MMP26: variants seen among roughly 807,000 people sequenced by gnomAD.
MMP26 encodes matrix metalloproteinase-26.
A neutral mutation model predicts 31.0 loss-of-function variants in MMP26; 33 were observed. The ratio of observed to expected loss-of-function variants is 1.06; its 90% CI spans 0.81 to 1.42. The LOEUF is 1.42. Among genes scored for constraint, MMP26 ranks in the 40% most tolerant of loss-of-function variants. The pLI is 0.00. For synonymous variants in MMP26, 122 were observed against 114.9 expected (o/e 1.06, Z -0.40); for missense variants, 347 against 316.1 (o/e 1.10, Z -0.74).
Position 4,930,771 on chromosome 11 carries a change from C to T in MMP26, c.-144-57297C>T, listed in dbSNP as rs146635087. 1.8e-3 allele frequency among the ~76,000 whole-genome samples: 267 copies of T among 152,024 alleles called. 1 individual carries two copies. Among genetic ancestry groups the T allele is most frequent in the African/African-American group, 6.2e-3 (259 of 41,502 alleles). On this transcript the variant is annotated intron_variant, in intron 2 of 7. Coordinates refer to ENST00000380390, the MANE Select transcript of MMP26 (RefSeq NM_021801.5). ...TTAACTTTTAGAGGAGATTTTTATACTCAAAAATAGTTTTTGATTAAAACT... is the reference window on the plus strand; with the variant it reads ...TTAACTTTTAGAGGAGATTTTTATATTCAAAAATAGTTTTTGATTAAAACT...
intron 2 of MMP26, among the ~76,000 whole-genome samples, chr11:4,830,911 G>A (rs1849637761): frequency 6.6e-6 from 1 of 152,082 alleles, no homozygotes; most frequent in South Asian, 2.1e-4. Flanking sequence ...TTCTGAGCAG[G>A]GCCAGTAGCA....
chr11:4,849,946 A>T (rs1292536351), intron 2 of MMP26, among the ~76,000 whole-genome samples: 1 of 152,176 alleles, frequency 6.6e-6, no homozygotes, highest in Non-Finnish European at 1.5e-5. Context: ...CAGGGTATTT[A>T]GGACATCCAT....
chr11:4,981,397 C>T (rs1003242986), intron 2 of MMP26, among the ~76,000 whole-genome samples: 1 of 152,036 alleles, frequency 6.6e-6, no homozygotes, highest in Admixed American at 6.6e-5. Context: ...CAAACCCATG[C>T]AGCATGCTAT....
chr11:4,859,809 G>A lies in MMP26; in HGVS notation c.-145+92468G>A, dbSNP rs989699322. ...CAGCACCCATAAAAGGAACATAGAAGAGGAGCACGGTAGACATGTGAGAGA... is the reference window on the plus strand; with the variant it reads ...CAGCACCCATAAAAGGAACATAGAAAAGGAGCACGGTAGACATGTGAGAGA... On this transcript the variant is annotated intron_variant, in intron 2 of 7. Coordinates refer to ENST00000380390, the MANE Select transcript of MMP26 (RefSeq NM_021801.5). 9 of 471,352 alleles carry A rather than the reference G, an allele frequency of 1.9e-5. No individual in the cohort carries two copies. The Admixed American group carries it at 2.1e-4, about 11-fold the overall frequency. The allele number at this position is 471,352 out of a possible 1,614,324, so 29.2% of individuals were successfully genotyped here.
intron 2 of MMP26, among the ~76,000 whole-genome samples, chr11:4,836,045 A>G (rs1849715134): frequency 6.6e-6 from 1 of 152,096 alleles, no homozygotes; most frequent in South Asian, 2.1e-4. Context: ...AAAAACTGTT[A>G]ATGAAACACT....
intron 2 of MMP26, among the ~76,000 whole-genome samples, chr11:4,855,794 C>T (rs560925887): frequency 2.0e-4 from 30 of 152,040 alleles, no homozygotes; most frequent in African/African-American, 4.6e-4. Context: ...GTTGAAATGA[C>T]GGGAAAAATG....
At chr11:4,806,862 A>T (rs1849277496) in intron 2 of MMP26, among the ~76,000 whole-genome samples, 1 of 152,058 alleles carries the variant, frequency 6.6e-6, no homozygotes. Flanking sequence ...CCTGTCCCAG[A>T]CTTTCCAAGC....
chr11:4,904,716 G>A (rs1268777195), intron 2 of MMP26, among the ~76,000 whole-genome samples: 1 of 152,020 alleles, frequency 6.6e-6, no homozygotes, highest in East Asian at 1.9e-4. Context: ...TAAAATATGA[G>A]TGAAAAGAAT....
chr11:4,901,277 A>G (rs1850798120), intron 2 of MMP26, among the ~76,000 whole-genome samples: 2 of 148,010 alleles, frequency 1.4e-5, no homozygotes, highest in African/African-American at 5.0e-5. Flanking sequence ...CTCCTGCCTC[A>G]GCCTCCTGAG....
rs535485266 is a variant in MMP26, at chr11:4,863,958, A to G, written c.-145+96617A>G. ...CATACGTGCACACAAATGCATGTGT[A>G]TGCACGCACACACACTAATTTGAAT... is the stretch of plus-strand genomic sequence containing the variant. On this transcript the variant is annotated intron_variant, in intron 2 of 7. Coordinates refer to ENST00000380390, the MANE Select transcript of MMP26 (RefSeq NM_021801.5). Among the ~76,000 whole-genome samples, 66 of 152,308 alleles carry G rather than the reference A, an allele frequency of 4.3e-4. No individual in the cohort carries two copies. In the South Asian group the frequency reaches 0.014, roughly 32 times the overall value.
chr11:4,783,873 G>A (rs1212515481), intron 2 of MMP26, among the ~76,000 whole-genome samples: 6 of 152,126 alleles, frequency 3.9e-5, no homozygotes, highest in African/African-American at 1.4e-4. Flanking sequence ...GATGTGACTT[G>A]CTCCTCGTCT....
chr11:4,769,699 C>G, intron 2 of MMP26: 1 of 1,613,026 alleles, frequency 6.2e-7, no homozygotes, highest in Non-Finnish European at 8.5e-7. Context: ...CAGTCAAGCC[C>G]AGATCAGTGG....
chr11:4,843,600 C>T (rs1849826260), intron 2 of MMP26, among the ~76,000 whole-genome samples: 1 of 152,256 alleles, frequency 6.6e-6, no homozygotes, highest in Admixed American at 6.5e-5. Flanking sequence ...GGGCCTGGCT[C>T]ACAAAACCAC....
intron 2 of MMP26, among the ~76,000 whole-genome samples, chr11:4,812,913 G>T (rs560561099): frequency 6.6e-6 from 1 of 151,752 alleles, no homozygotes; most frequent in South Asian, 2.1e-4. Context: ...TTTTCCTTTT[G>T]GCATAGTAAA....
chr11:4,792,857 A>G (rs1849049283), intron 2 of MMP26, among the ~76,000 whole-genome samples: 1 of 152,216 alleles, frequency 6.6e-6, no homozygotes, highest in South Asian at 2.1e-4. Context: ...TCGTTGTATC[A>G]GAATTTACTG....
intron 2 of MMP26, chr11:4,889,822 G>A: frequency 5.7e-6 from 1 of 176,876 alleles, no homozygotes; most frequent in Non-Finnish European, 1.2e-5. Context: ...AGACACAGGT[G>A]TTGAGGGCCT....
At chr11:4,753,197 C>T (rs1027632521) in intron 1 of MMP26, among the ~76,000 whole-genome samples, 1 of 152,038 alleles carries the variant, frequency 6.6e-6, no homozygotes, top group African/African-American at 2.4e-5. Context: ...AATGCCACAT[C>T]CTCATCAGTG....
At position 4,816,705 on chromosome 11, in the gene MMP26, T is replaced by C. The variant is rs1047020507; in HGVS notation, c.-145+49364T>C. On this transcript the variant is annotated intron_variant, in intron 2 of 7. Transcript: ENST00000380390. ...TGATGAATGGGTGCCTTCTTTTTTTTTTTTTTTTTTTTTTTTGAAATAGAG... is the reference window on the plus strand; with the variant it reads ...TGATGAATGGGTGCCTTCTTTTTTTCTTTTTTTTTTTTTTTTGAAATAGAG... Among the ~76,000 whole-genome samples, 13 of 141,238 alleles carry C rather than the reference T, an allele frequency of 9.2e-5. No individual in the cohort carries two copies. The East Asian group carries it at 2.6e-3, about 28-fold the overall frequency. 92.7% of individuals were successfully genotyped at this position (141,238 alleles called of 152,430 possible). A position where few individuals can be genotyped will look rare whatever the true frequency, so the allele number is the denominator to read the frequency against.
intron 1 of MMP26, chr11:4,723,312 C>T (rs1335680950): frequency 9.9e-7 from 1 of 1,007,684 alleles, no homozygotes. Context: ...TCCCAGCCAG[C>T]ATCTGCAGCT....
Sources: allele counts gnomAD v4.1 joint callset (sites outside exome capture counted in the v4.1 genomes callset), GRCh38; gene constraint gnomAD v4.1.1; transcripts MANE v1.5; gene names NCBI Gene and HGNC (gene_info 2026-07-23, HGNC 2026-07-21).